MECOM: variants seen among roughly 807,000 people sequenced by gnomAD.
MECOM encodes the protein MDS1 and EVI1 complex locus.
A neutral mutation model predicts 116.3 loss-of-function variants in MECOM; 13 were observed. That is an observed-to-expected ratio of 0.11 (90% CI 0.07 to 0.18). The LOEUF is 0.18. Ranked by LOEUF, MECOM falls within the 10% of genes least tolerant of loss-of-function variation. The pLI is 1.00. For missense variants in MECOM, 1,299 were observed against 1,509.0 expected, an observed-to-expected ratio of 0.86 and a Z score of 2.31; for synonymous variants, 528 against 535.2, an observed-to-expected ratio of 0.99 and a Z score of 0.19.
intron 2 of MECOM, among the ~76,000 whole-genome samples, chr3:169,367,403 G>C (rs1052048670): frequency 1.3e-5 from 2 of 148,922 alleles, no homozygotes; most frequent in Non-Finnish European, 3.0e-5. Flanking sequence ...AATTTTTTTT[G>C]TAGTTACTGC....
At chr3:169,288,320 A>G (rs1713797451) in intron 2 of MECOM, among the ~76,000 whole-genome samples, 1 of 152,158 alleles carries the variant, frequency 6.6e-6, no homozygotes, top group Non-Finnish European at 1.5e-5. Flanking sequence ...ATCTTAGAGA[A>G]GGAATCTGAT....
chr3:169,138,022 G>T (rs1736888779), intron 3 of MECOM, among the ~76,000 whole-genome samples: 1 of 151,962 alleles, frequency 6.6e-6, no homozygotes, highest in Admixed American at 6.6e-5. Context: ...CCAAACCTTT[G>T]GGAAGAGTTC....
At chr3:169,480,934 G>A (rs915199439) in intron 1 of MECOM, among the ~76,000 whole-genome samples, 33 of 152,038 alleles carry the variant, frequency 2.2e-4, no homozygotes, top group Non-Finnish European at 4.0e-4. Flanking sequence ...GTTTTGTTGA[G>A]TTTTGTTTTT....
intron 2 of MECOM, among the ~76,000 whole-genome samples, chr3:169,202,819 C>CT (rs1491127704): frequency 1.1e-5 from 1 of 90,284 alleles, no homozygotes; most frequent in African/African-American, 4.3e-5. Context: ...TTGCCATTAG[C>CT]AAAAAAAAAA....
chr3:169,177,812 G>C (rs1332277611), intron 2 of MECOM, among the ~76,000 whole-genome samples: 1 of 151,890 alleles, frequency 6.6e-6, no homozygotes, highest in Non-Finnish European at 1.5e-5. Flanking sequence ...CAGCTACTTG[G>C]GGAGCTGAGG....
intron 10 of MECOM, among the ~76,000 whole-genome samples, chr3:169,105,491 T>C (rs1725079714): frequency 6.6e-6 from 1 of 152,030 alleles, no homozygotes; most frequent in Non-Finnish European, 1.5e-5. Context: ...TAAATTGGAA[T>C]AAATGGAACA....
intron 1 of MECOM, among the ~76,000 whole-genome samples, chr3:169,514,995 T>A (rs1477721971): frequency 3.3e-5 from 5 of 152,170 alleles, no homozygotes; most frequent in African/African-American, 1.2e-4. Context: ...TAATTCTGCA[T>A]TAAAAGAAGA....
chr3:169,615,365 G>A (rs1262499474), intron 1 of MECOM, among the ~76,000 whole-genome samples: 1 of 152,186 alleles, frequency 6.6e-6, no homozygotes, highest in Non-Finnish European at 1.5e-5. Flanking sequence ...ATGAACATAT[G>A]AATTTGATAC....
rs1752263825 is a variant in MECOM at position 169,485,985 on chromosome 3, GTATATATATGTATA to G, written c.38-104475_38-104462del. The stretch of plus-strand genomic sequence containing the variant: ...TATACTATATATACATATATATATA[GTATATATATGTATA>G]TATATACTATATATATATGTATATA... On this transcript the variant is annotated intron_variant, in intron 1 of 16. Coordinates refer to ENST00000651503, the MANE Select transcript of MECOM (RefSeq NM_004991.4). 3.8e-5 allele frequency among the ~76,000 whole-genome samples: 2 copies of G among 53,288 alleles called. 1 individual carries two copies. The highest frequency in any genetic ancestry group is 6.9e-5 in the Non-Finnish European group (2 of 29,048). The allele number at this position is 53,288 out of a possible 152,430, so 35.0% of individuals were successfully genotyped here. A position where few individuals can be genotyped will look rare whatever the true frequency, so the allele number is the denominator to read the frequency against.
chr3:169,122,328 A>T lies in MECOM; in HGVS notation c.978+252T>A, dbSNP rs551348195. On this transcript the variant is annotated intron_variant, in intron 6 of 16. Transcript: ENST00000651503. ...TCAGTAGCGGAACCAGGAATTTACCAAGGATGTCTGACACCTAGTTCTGGA... is the reference window on the plus strand; with the variant it reads ...TCAGTAGCGGAACCAGGAATTTACCTAGGATGTCTGACACCTAGTTCTGGA... Among the ~76,000 whole-genome samples the T allele has an allele frequency of 2.6e-5, 4 of 152,336 alleles. No individual in the cohort carries two copies. In the East Asian group the frequency reaches 7.7e-4, roughly 29 times the overall value.
chr3:169,100,782 T>C, intron 12 of MECOM, 103 bp downstream of exon 12: 1 of 630,014 alleles, frequency 1.6e-6, no homozygotes, highest in Admixed American at 4.7e-5. Flanking sequence ...CGCATAAAAT[T>C]TAAACTTTAA....
intron 3 of MECOM, among the ~76,000 whole-genome samples, chr3:169,132,198 G>T (rs990819280): frequency 1.3e-5 from 2 of 152,154 alleles, no homozygotes; most frequent in Non-Finnish European, 2.9e-5. Context: ...GGTGGTGGGG[G>T]TGGTGCTTAT....
At chr3:169,432,723 G>T (rs1741840535) in intron 1 of MECOM, among the ~76,000 whole-genome samples, 2 of 152,186 alleles carry the variant, frequency 1.3e-5, no homozygotes. Context: ...ACAGTGAGGT[G>T]ACCCTTATAT....
intron 2 of MECOM, among the ~76,000 whole-genome samples, chr3:169,242,458 G>T (rs543286896): frequency 6.6e-6 from 1 of 152,282 alleles, no homozygotes; most frequent in Non-Finnish European, 1.5e-5. Context: ...ACTCTCCGCT[G>T]ATAACGCTCC....
intron 2 of MECOM, among the ~76,000 whole-genome samples, chr3:169,279,718 T>C (rs1187411027): frequency 6.6e-6 from 1 of 152,264 alleles, no homozygotes; most frequent in African/African-American, 2.4e-5. Context: ...AACATGTTTT[T>C]AACATCTTGC....
At chr3:169,451,401 C>T (rs774934373) in intron 1 of MECOM, among the ~76,000 whole-genome samples, 34 of 152,172 alleles carry the variant, frequency 2.2e-4, no homozygotes, top group Non-Finnish European at 4.0e-4. Context: ...TATTAACCAT[C>T]TTAGCTGTGA....
At chr3:169,402,845 C>T (rs576190943) in intron 1 of MECOM, among the ~76,000 whole-genome samples, 2 of 152,266 alleles carry the variant, frequency 1.3e-5, no homozygotes, top group Admixed American at 6.5e-5. Flanking sequence ...CAGGTACTGC[C>T]TTCACAAAGT....
Position 169,085,044 on chromosome 3 carries a change from C to A in MECOM, c.3586-1G>T. 6.2e-7 allele frequency: 1 copy of A among 1,613,788 alleles called. No individual in the cohort carries two copies. ...ACAGTGACAGCATCATAGCATATGC[C>A]TGGGGTAAAAAGGAGAGAGACTCAG... On this transcript the variant is annotated splice_acceptor_variant, in intron 16 of 16. Transcript: ENST00000651503. LOFTEE classifies it high-confidence loss of function.
At chr3:169,371,216 G>T (rs1730046113) in intron 2 of MECOM, among the ~76,000 whole-genome samples, 1 of 151,906 alleles carries the variant, frequency 6.6e-6, no homozygotes, top group Non-Finnish European at 1.5e-5. Flanking sequence ...GGACAATGTG[G>T]ACAAACCTGG....
Sources: gnomAD v4.1 joint callset for allele counts (sites outside exome capture counted in the v4.1 genomes callset) on GRCh38, gnomAD v4.1.1 for gene constraint, MANE v1.5 for transcripts, NCBI Gene and HGNC (gene_info 2026-07-23, HGNC 2026-07-21) for gene names.